IREB2: variants seen among roughly 807,000 people sequenced by gnomAD.
IREB2 encodes iron-responsive element-binding protein 2.
In IREB2, 39 loss-of-function variants were observed where a neutral mutation model predicts 118.8. That is an observed-to-expected ratio of 0.33 (90% CI 0.25 to 0.43). The LOEUF (loss-of-function observed/expected upper bound fraction) is 0.43, where lower values mean the gene tolerates loss of function less well. Among genes scored for constraint, IREB2 ranks in the 20% least tolerant of loss-of-function variants. IREB2 has a pLI of 1.00. For missense variants in IREB2, 900 were observed against 1,147.3 expected (o/e 0.78, Z 3.11); for synonymous variants, 372 against 392.2 (o/e 0.95, Z 0.61).
Position 78,488,209 on chromosome 15 carries a change from T to G in IREB2, c.1824T>G (p.Ser608=). Residue 608 remains serine, a synonymous_variant, in exon 15 of 22, where the codon TCT becomes TCG. Coordinates refer to ENST00000258886, the MANE Select transcript of IREB2 (RefSeq NM_004136.4). The part of the protein sequence containing the change: ...QGDLVTCGIL[S]GNKNFEGRLC... ...ATTTGGTTACCTGTGGAATTTTATC[T>G]GGAAACAAAAATTTTGAAGGTCGTC... The G allele has an allele frequency of 6.2e-7, 1 of 1,609,220 alleles. No individual in the cohort carries two copies.
chr15:78,452,584 G>A (rs2051043509), intron 2 of IREB2, among the ~76,000 whole-genome samples: 1 of 152,102 alleles, frequency 6.6e-6, no homozygotes, highest in Non-Finnish European at 1.5e-5. Context: ...AGGTTAACAA[G>A]GAAGATAGGC....
chr15:78,438,350 A>G lies in IREB2; in HGVS notation c.13A>G (p.Lys5Glu), dbSNP rs897681685. The G allele has an allele frequency of 6.3e-7, 1 of 1,597,500 alleles. No homozygotes were observed. Among genetic ancestry groups the G allele is most frequent in the African/African-American group, 1.3e-5 (1 of 74,778 alleles). ...ATGGTCTCCGGCGATGGACGCCCCA[A>G]AAGCAGGTCAGTTTCGGGCCTCCGA... The part of the protein sequence containing the change: MDAP[K>E]AGYAFEYLIE... Residue 5 changes from lysine to glutamate, a missense_variant, in exon 1 of 22, where the codon AAA (lysine) becomes GAA (glutamate). Lys to Glu is a moderately conservative substitution (Grantham distance 56, BLOSUM62 1). Coordinates refer to ENST00000258886, the MANE Select transcript of IREB2 (RefSeq NM_004136.4).
intron 2 of IREB2, among the ~76,000 whole-genome samples, chr15:78,442,317 T>A (rs1260227673): frequency 6.6e-6 from 1 of 152,182 alleles, no homozygotes; most frequent in Non-Finnish European, 1.5e-5. Context: ...ACAAGTTAGG[T>A]AGGAAGTATT....
chr15:78,438,337 G>A lies in IREB2; in HGVS notation c.-1G>A, dbSNP rs1383003138. ...CCGGAGGGATAATATGGTCTCCGGCGATGGACGCCCCAAAAGCAGGTCAGT... is the reference window on the plus strand; with the variant it reads ...CCGGAGGGATAATATGGTCTCCGGCAATGGACGCCCCAAAAGCAGGTCAGT... On this transcript the variant is annotated 5_prime_UTR_variant, in exon 1 of 22. Transcript: ENST00000258886. The A allele has an allele frequency of 1.9e-6, 3 of 1,594,822 alleles. No individual in the cohort carries two copies. In the Admixed American group the frequency reaches 5.3e-5, roughly 28 times the overall value.
intron 18 of IREB2, among the ~76,000 whole-genome samples, chr15:78,491,336 T>C (rs2051746474): frequency 6.6e-6 from 1 of 151,676 alleles, no homozygotes; most frequent in Admixed American, 6.6e-5. Flanking sequence ...TCATGTAGAG[T>C]TGCCCTGTTA....
At chr15:78,461,271 T>A (rs1567168291) in intron 2 of IREB2, among the ~76,000 whole-genome samples, 1 of 152,250 alleles carries the variant, frequency 6.6e-6, no homozygotes, top group Non-Finnish European at 1.5e-5. Flanking sequence ...GATTGAACTT[T>A]GTTCACAGTA....
Position 78,488,336 on chromosome 15 carries a change from G to T in IREB2, c.1951G>T (p.Gly651Cys). 6.3e-7 allele frequency: 1 copy of T among 1,576,820 alleles called. No homozygotes were observed. Among genetic ancestry groups the T allele is most frequent in the Admixed American group, 2.0e-5 (1 of 48,934 alleles). The change falls in exon 15 of 22, where the codon GGT becomes TGT. Residue 651 changes from glycine (G) to cysteine (C), a missense_variant and splice_region_variant. Transcript: ENST00000258886. The stretch of plus-strand genomic sequence containing the variant: ...TATAGATTTCCAGACAGAACCTTTA[G>T]GTATCTTTTCCTTTATGTATATGTA... ...VNIDFQTEPL[G>C]TDPTGKNIYL...
At chr15:78,437,922 G>T (rs984684218), upstream of IREB2, among the ~76,000 whole-genome samples, 2 of 152,338 alleles carry the variant, frequency 1.3e-5, no homozygotes, top group Middle Eastern at 3.4e-3. Context: ...CAGACACCTT[G>T]CGGGAACGCA....
chr15:78,465,557 G>T (rs543511770), intron 4 of IREB2, among the ~76,000 whole-genome samples, 169 bp downstream of exon 4: 3 of 152,244 alleles, frequency 2.0e-5, no homozygotes, highest in East Asian at 3.9e-4. Context: ...GAGTGGTGGG[G>T]TTTTTTTCAT....
chr15:78,442,187 C>T (rs570931076), intron 2 of IREB2, among the ~76,000 whole-genome samples: 19 of 152,242 alleles, frequency 1.2e-4, no homozygotes, highest in South Asian at 1.0e-3. Context: ...TGAGCCACTG[C>T]GCCCAGCCCC....
intron 3 of IREB2, among the ~76,000 whole-genome samples, chr15:78,464,560 A>G (rs1447022610): frequency 3.9e-5 from 6 of 152,196 alleles, no homozygotes; most frequent in Non-Finnish European, 8.8e-5. Flanking sequence ...CATAACCAAT[A>G]GGTTTCTCAA....
intron 8 of IREB2, 116 bp from the exon 9 acceptor site, chr15:78,476,072 C>A (rs2051464416): frequency 1.6e-6 from 1 of 632,662 alleles, no homozygotes; most frequent in East Asian, 2.7e-5. Context: ...AATGAAGGAT[C>A]TCATTCCTTC....
chr15:78,440,657 A>G (rs891172806), intron 2 of IREB2, among the ~76,000 whole-genome samples: 2 of 152,166 alleles, frequency 1.3e-5, no homozygotes, highest in Admixed American at 6.5e-5. Context: ...CTGAGCCACT[A>G]TGCCTGGCCT....
At chr15:78,466,685 C>T (rs2051289101) in intron 5 of IREB2, among the ~76,000 whole-genome samples, 196 bp downstream of exon 5, 1 of 152,180 alleles carries the variant, frequency 6.6e-6, no homozygotes, top group South Asian at 2.1e-4. Flanking sequence ...GTACCATTCT[C>T]TCTTACCATT....
intron 20 of IREB2, among the ~76,000 whole-genome samples, chr15:78,494,890 T>C (rs886310470): frequency 1.3e-5 from 2 of 152,198 alleles, no homozygotes; most frequent in African/African-American, 2.4e-5. Context: ...TAATTTTACT[T>C]GCCTCCTTTT....
chr15:78,455,484 C>G (rs1249355124), intron 2 of IREB2, among the ~76,000 whole-genome samples: 2 of 151,904 alleles, frequency 1.3e-5, no homozygotes, highest in Non-Finnish European at 2.9e-5. Flanking sequence ...AATCCCAGCA[C>G]TTTGGAAGGC....
At chr15:78,444,733 A>G (rs942322547) in intron 2 of IREB2, among the ~76,000 whole-genome samples, 3 of 152,226 alleles carry the variant, frequency 2.0e-5, no homozygotes, top group African/African-American at 7.2e-5. Context: ...TAATAAAAAT[A>G]AAGTATATGT....
intron 10 of IREB2, among the ~76,000 whole-genome samples, chr15:78,482,884 A>G (rs1246469198): frequency 6.6e-6 from 1 of 151,826 alleles, no homozygotes; most frequent in African/African-American, 2.4e-5. Context: ...AGTAGCTGGG[A>G]CTACAGGCGC....
intron 10 of IREB2, among the ~76,000 whole-genome samples, chr15:78,481,511 A>C (rs868245872): frequency 1.4e-5 from 2 of 138,762 alleles, no homozygotes; most frequent in African/African-American, 2.7e-5. Context: ...GCCCGCCACC[A>C]CACCTCGCTA....
Sources: allele counts gnomAD v4.1 joint callset (sites outside exome capture counted in the v4.1 genomes callset), GRCh38; gene constraint gnomAD v4.1.1; transcripts MANE v1.5; gene names NCBI Gene and HGNC (gene_info 2026-07-23, HGNC 2026-07-21).